The following SNRPN variants were observed in gnomAD, a reference collection of about 807,000 sequenced individuals.
SNRPN encodes small nuclear ribonucleoprotein-associated protein N.
SNRPN carries 7 observed loss-of-function variants against 25.2 expected under a neutral mutation model. That is an observed-to-expected ratio of 0.28 (90% confidence interval 0.16 to 0.52). The LOEUF is 0.52. Ranked by LOEUF, SNRPN falls within the 20% of genes least tolerant of loss-of-function variation. The pLI, the probability that SNRPN is intolerant of heterozygous loss-of-function variation, is 0.96. For missense variants in SNRPN, 196 were observed against 322.5 expected, an observed-to-expected ratio of 0.61 and a Z score of 3.00; for synonymous variants, 124 against 110.6, an observed-to-expected ratio of 1.12 and a Z score of -0.76.
At chr15:24,955,817 C>A (rs937894187) in intron 1 of SNRPN, among the ~76,000 whole-genome samples, 1 of 149,928 alleles carries the variant, frequency 6.7e-6, no homozygotes. Context: ...TGGACTTTGG[C>A]GGCGGTAGGC....
chr15:24,893,409 G>C (rs1444554578), intron 2 of SNRPN, among the ~76,000 whole-genome samples: 1 of 151,986 alleles, frequency 6.6e-6, no homozygotes, highest in Non-Finnish European at 1.5e-5. Flanking sequence ...TTGAGCCCAG[G>C]AGTTCCACAC....
intron 1 of SNRPN, among the ~76,000 whole-genome samples, chr15:24,867,418 A>C (rs1410423705): frequency 1.3e-5 from 2 of 151,500 alleles, no homozygotes; most frequent in African/African-American, 2.4e-5. Context: ...TCTGTCGCCC[A>C]GGCTGGAGTG....
intron 2 of SNRPN, among the ~76,000 whole-genome samples, chr15:24,834,414 T>C (rs2050831990): frequency 6.6e-6 from 1 of 151,978 alleles, no homozygotes; most frequent in Non-Finnish European, 1.5e-5. Context: ...CCCAACAAAA[T>C]AAACTGATTT....
chr15:24,970,128 G>A (rs943367555), intron 3 of SNRPN, among the ~76,000 whole-genome samples: 6 of 152,182 alleles, frequency 3.9e-5, no homozygotes, highest in Admixed American at 2.0e-4. Flanking sequence ...TTACAGCGTA[G>A]ACAATCAGAT....
At chr15:24,874,527 AT>A (rs934068688) in intron 1 of SNRPN, among the ~76,000 whole-genome samples, 20 of 152,126 alleles carry the variant, frequency 1.3e-4, no homozygotes, top group African/African-American at 4.1e-4. Context: ...TAATCAGCTG[AT>A]GTTAGAGTGC....
chr15:24,876,845 T>C (rs1326625864), intron 1 of SNRPN, among the ~76,000 whole-genome samples: 1 of 151,986 alleles, frequency 6.6e-6, no homozygotes, highest in Non-Finnish European at 1.5e-5. Flanking sequence ...ATGTATAGAA[T>C]GCAAAAAAAA....
chr15:24,911,469 C>T (rs2059210386), intron 2 of SNRPN, among the ~76,000 whole-genome samples: 2 of 152,146 alleles, frequency 1.3e-5, no homozygotes, highest in Admixed American at 1.3e-4. Context: ...CCCAAGATGC[C>T]TGTGGGAACT....
At chr15:24,955,734 G>A (rs1353391946) in intron 1 of SNRPN, among the ~76,000 whole-genome samples, 2 of 151,456 alleles carry the variant, frequency 1.3e-5, no homozygotes, top group Non-Finnish European at 2.9e-5. Flanking sequence ...GAAGTGGCTG[G>A]GAGGTAGGGG....
intron 1 of SNRPN, among the ~76,000 whole-genome samples, chr15:24,881,784 G>A (rs999646869): frequency 6.6e-6 from 1 of 152,138 alleles, no homozygotes; most frequent in Non-Finnish European, 1.5e-5. Flanking sequence ...CATGAGTTCT[G>A]GGTTTATCAG....
At chr15:24,966,532 A>T (rs1260727799) in intron 2 of SNRPN, among the ~76,000 whole-genome samples, 1 of 152,246 alleles carries the variant, frequency 6.6e-6, no homozygotes, top group Admixed American at 6.5e-5. Flanking sequence ...GGCTTGCTCA[A>T]AACCCCAACC....
At chr15:24,890,061 A>T (rs1054186777) in intron 2 of SNRPN, among the ~76,000 whole-genome samples, 33 of 151,554 alleles carry the variant, frequency 2.2e-4, no homozygotes, top group Non-Finnish European at 2.5e-4. Flanking sequence ...AAAAAAAAAA[A>T]AAAAAGGATA....
At chr15:24,922,507 C>G (rs2152600891) in intron 3 of SNRPN, among the ~76,000 whole-genome samples, 1 of 152,316 alleles carries the variant, frequency 6.6e-6, no homozygotes, top group Non-Finnish European at 1.5e-5. Flanking sequence ...TGAGCTCCCT[C>G]AAAACTCGTG....
chr15:24,855,528 G>A (rs1004038205), upstream of SNRPN, among the ~76,000 whole-genome samples: 5 of 152,136 alleles, frequency 3.3e-5, no homozygotes, highest in African/African-American at 1.2e-4. Context: ...AGTGGCTCAT[G>A]CCTGTAATAC....
chr15:24,897,374 G>A lies in SNRPN; in HGVS notation c.-505+10785G>A, dbSNP rs1255681795. On this transcript the variant is annotated intron_variant, in intron 2 of 11. Transcript: ENST00000400097. ...AACCAAGGTGGGGGGAATCACTTGA[G>A]GCCAGGAGTTTGAGACTAGCCTGAG... Among the ~76,000 whole-genome samples, 3 of 152,306 alleles carry A rather than the reference G, an allele frequency of 2.0e-5. No homozygotes were observed. In the East Asian group the frequency reaches 5.8e-4, roughly 29 times the overall value.
chr15:24,940,161 CTG>C (rs1350682010), intron 3 of SNRPN, among the ~76,000 whole-genome samples: 1 of 152,138 alleles, frequency 6.6e-6, no homozygotes, highest in Non-Finnish European at 1.5e-5. Context: ...TTCTCCCATT[CTG>C]TGTGTTGCCT....
At chr15:24,878,598 G>C (rs2056245172) in intron 1 of SNRPN, among the ~76,000 whole-genome samples, 1 of 152,090 alleles carries the variant, frequency 6.6e-6, no homozygotes, top group Non-Finnish European at 1.5e-5. Flanking sequence ...TAATTGTTCT[G>C]GTCTTGCACT....
At chr15:24,963,486 G>T (rs965963809) in intron 2 of SNRPN, among the ~76,000 whole-genome samples, 1 of 151,784 alleles carries the variant, frequency 6.6e-6, no homozygotes, top group Non-Finnish European at 1.5e-5. Flanking sequence ...GTGGTGGCAC[G>T]TGCCTGTAAT....
At chr15:24,879,980 A>C (rs1234481171) in intron 1 of SNRPN, among the ~76,000 whole-genome samples, 1 of 152,196 alleles carries the variant, frequency 6.6e-6, no homozygotes. Flanking sequence ...AGCAACTCCA[A>C]GAGGTCCATT....
intron 1 of SNRPN, among the ~76,000 whole-genome samples, chr15:24,864,761 G>C (rs1185168965): frequency 1.3e-5 from 2 of 151,964 alleles, no homozygotes; most frequent in Non-Finnish European, 2.9e-5. Flanking sequence ...AGTTCAAAAT[G>C]TTGTTTAATT....
Sources: gnomAD v4.1 joint callset for allele counts (sites outside exome capture counted in the v4.1 genomes callset) on GRCh38, gnomAD v4.1.1 for gene constraint, MANE v1.5 for transcripts, NCBI Gene and HGNC (gene_info 2026-07-23, HGNC 2026-07-21) for gene names.